Variants in PTPRA observed in about 807,000 individuals in gnomAD.
PTPRA encodes receptor-type tyrosine-protein phosphatase alpha.
A neutral mutation model predicts 104.8 loss-of-function variants in PTPRA; 25 were observed. The observed-to-expected ratio is 0.24, with a 90% CI of 0.17 to 0.33. The LOEUF (loss-of-function observed/expected upper bound fraction) is 0.33. PTPRA is among the 10% of genes least tolerant of loss of function. The pLI is 1.00. For missense variants in PTPRA, 765 were observed against 1,015.3 expected (o/e 0.75, Z 3.35); for synonymous variants, 323 against 368.9 (o/e 0.88, Z 1.43).
chr20:2,930,465 G>A (rs1189910292), intron 2 of PTPRA, among the ~76,000 whole-genome samples: 1 of 152,154 alleles, frequency 6.6e-6, no homozygotes, highest in East Asian at 1.9e-4. Context: ...TCCTGGTGCT[G>A]CCCAAACAAA....
intron 9 of PTPRA, among the ~76,000 whole-genome samples, chr20:2,988,912 T>C (rs1418209927): frequency 6.6e-6 from 1 of 152,188 alleles, no homozygotes; most frequent in Non-Finnish European, 1.5e-5. Context: ...TGCATATTTG[T>C]AGGCATCCAT....
At chr20:2,972,657 GT>G (rs1161248895) in intron 5 of PTPRA, among the ~76,000 whole-genome samples, 1 of 151,578 alleles carries the variant, frequency 6.6e-6, no homozygotes, top group Non-Finnish European at 1.5e-5. Context: ...TTTTTGATAA[GT>G]TTTAGTTTTT....
chr20:2,865,800 C>T, the PTPRA span: 7 of 483,462 alleles, frequency 1.4e-5, no homozygotes, highest in Admixed American at 1.5e-4. The surrounding 1 kb of genome is among the most constrained non-coding windows in gnomAD (Gnocchi z 5.2). Context: ...GTGGAGGGGG[C>T]ACAGGGAGGG....
At chr20:2,982,278 G>A (rs1034471457) in intron 6 of PTPRA, among the ~76,000 whole-genome samples, 3 of 151,784 alleles carry the variant, frequency 2.0e-5, no homozygotes, top group East Asian at 1.9e-4. Flanking sequence ...TAGCAGAGAC[G>A]GGGTTTCACC....
At chr20:2,912,495 A>G (rs1848552536) in intron 1 of PTPRA, among the ~76,000 whole-genome samples, 1 of 152,076 alleles carries the variant, frequency 6.6e-6, no homozygotes. Context: ...ATGGTGGCTC[A>G]CGCCCGTAGT....
In PTPRA at chr20:3,026,799, C is replaced by T. The variant is rs1218165999; in HGVS notation, c.1708+19C>T. The T allele has an allele frequency of 6.4e-7, 1 of 1,566,818 alleles. No homozygotes were observed. The highest frequency in any genetic ancestry group is 8.8e-7 in the Non-Finnish European group (1 of 1,137,160). Reference sequence around the variant, plus strand: ...ATTCCATGTAAGAGCCCTCCCGCCACTCCAAAGCCTTATTGCCCCATCCCT... The same window carrying T: ...ATTCCATGTAAGAGCCCTCCCGCCATTCCAAAGCCTTATTGCCCCATCCCT... On this transcript the variant is annotated intron_variant, in intron 18 of 23. Transcript: ENST00000399903.
chr20:2,915,119 G>A (rs1357346700), intron 1 of PTPRA, among the ~76,000 whole-genome samples: 3 of 150,956 alleles, frequency 2.0e-5, no homozygotes, highest in Non-Finnish European at 2.9e-5. Context: ...TCACTGTGTT[G>A]CAGGCTGGAA....
At chr20:3,002,127 G>A (rs1259071074) in intron 9 of PTPRA, among the ~76,000 whole-genome samples, 4 of 151,796 alleles carry the variant, frequency 2.6e-5, no homozygotes, top group South Asian at 4.1e-4. Context: ...GTGACAGAGC[G>A]AGACCCTGTC....
intron 1 of PTPRA, among the ~76,000 whole-genome samples, chr20:2,922,199 A>C (rs1468314521): frequency 6.6e-6 from 1 of 152,190 alleles, no homozygotes; most frequent in Non-Finnish European, 1.5e-5. Flanking sequence ...CCTATGAGCT[A>C]TTCAGAAATC....
intron 11 of PTPRA, 115 bp downstream of exon 11, chr20:3,007,535 A>G: frequency 8.2e-7 from 1 of 1,212,518 alleles, no homozygotes; most frequent in Non-Finnish European, 1.2e-6. Flanking sequence ...TTTCCCTGAC[A>G]AGTCTGGTTT....
Position 3,037,099 on chromosome 20 carries a change from C to T in PTPRA, c.2199-55C>T. ...TTCTGCCACTCACCACTGTCACTCA[C>T]CCCCTTGCACAGAGGGCCATCACAG... On this transcript the variant is annotated intron_variant, in intron 22 of 23. Transcript: ENST00000399903. The surrounding 1 kb of genome is among the most constrained non-coding windows in gnomAD (Gnocchi z 4.3). 1 of 1,587,138 alleles carries T rather than the reference C, an allele frequency of 6.3e-7. No individual in the cohort carries two copies. Among genetic ancestry groups the T allele is most frequent in the Non-Finnish European group, 8.6e-7 (1 of 1,164,862 alleles).
chr20:2,917,545 CCACTGGTAGTTT>C (rs2059948659), intron 1 of PTPRA, among the ~76,000 whole-genome samples: 1 of 152,158 alleles, frequency 6.6e-6, no homozygotes, highest in Non-Finnish European at 1.5e-5. Flanking sequence ...TGCTTTCTTG[CCACTGGTAGTTT>C]TCCCTCCTCT....
At chr20:2,939,849 A>G (rs776436230) in intron 2 of PTPRA, among the ~76,000 whole-genome samples, 18 of 152,110 alleles carry the variant, frequency 1.2e-4, no homozygotes, top group Admixed American at 2.0e-4. Context: ...GCTGACGCCT[A>G]CAATCCCAGC....
At chr20:2,996,302 A>G (rs754411343) in intron 9 of PTPRA, among the ~76,000 whole-genome samples, 3 of 152,174 alleles carry the variant, frequency 2.0e-5, no homozygotes, top group Non-Finnish European at 4.4e-5. Flanking sequence ...CTAGTTTTCA[A>G]AATCCTGGGA....
rs761516816 is a variant in PTPRA, at chr20:2,988,019, A to T, written c.528-13A>T. ...CTGTGCTCCATTCTTCACTGTGATC[A>T]TTTTCTCATTAGGTTTAAGAAATAC... On this transcript the variant is annotated splice_polypyrimidine_tract_variant and intron_variant, in intron 7 of 23. Transcript: ENST00000399903. The T allele has an allele frequency of 6.5e-7, 1 of 1,545,784 alleles. No individual in the cohort carries two copies. Among genetic ancestry groups the T allele is most frequent in the South Asian group, 1.1e-5 (1 of 89,658 alleles).
At chr20:2,866,452 G>A in the PTPRA span, 2 of 1,614,210 alleles carry the variant, frequency 1.2e-6, no homozygotes, top group Non-Finnish European at 8.5e-7. Context: ...GGCTGCAGAT[G>A]TGGCCATCGA....
At chr20:2,914,638 G>A (rs2059835426) in intron 1 of PTPRA, among the ~76,000 whole-genome samples, 1 of 152,026 alleles carries the variant, frequency 6.6e-6, no homozygotes, top group African/African-American at 2.4e-5. Flanking sequence ...CCCCTTGAAT[G>A]TGCCCAGTCT....
chr20:3,018,532 G>A (rs2064595266), intron 13 of PTPRA, among the ~76,000 whole-genome samples: 1 of 151,710 alleles, frequency 6.6e-6, no homozygotes, highest in Non-Finnish European at 1.5e-5. Flanking sequence ...AGAGAGCACA[G>A]GGTTGGGGGT....
the PTPRA span, among the ~76,000 whole-genome samples, chr20:2,867,426 G>A: frequency 1.5e-4 from 23 of 152,298 alleles, no homozygotes; most frequent in African/African-American, 4.3e-4. Context: ...CACCAGACCC[G>A]CAATCAGTAG....
Sources: allele counts gnomAD v4.1 joint callset (sites outside exome capture counted in the v4.1 genomes callset), GRCh38; gene constraint gnomAD v4.1.1; non-coding constraint Gnocchi (gnomAD v3.1); transcripts MANE v1.5; gene names NCBI Gene and HGNC (gene_info 2026-07-23, HGNC 2026-07-21).